The following DNAH7 variants were observed in gnomAD, a reference collection of about 807,000 sequenced individuals.
DNAH7 encodes axonemal beta dynein heavy chain 7.
DNAH7 carries 397 observed loss-of-function variants against 444.6 expected under a neutral mutation model. The ratio of observed to expected loss-of-function variants is 0.89; its 90% confidence interval spans 0.82 to 0.97. DNAH7 has a LOEUF of 0.97. Among genes scored for constraint, DNAH7 ranks in the 50% least tolerant of loss-of-function variants. The probability of loss-of-function intolerance (pLI) is 0.00; values close to 1 mark genes in which losing one functional copy is unlikely to be tolerated. For synonymous variants in DNAH7, 1,636 were observed against 1,624.4 expected, an observed-to-expected ratio of 1.01 and a Z score of -0.17; for missense variants, 4,902 against 4,800.8, an observed-to-expected ratio of 1.02 and a Z score of -0.62.
In DNAH7 at chr2:195,794,613, T is replaced by C. The variant is rs930987078; in HGVS notation, c.10516-75A>G. 4 of 1,393,758 alleles carry C rather than the reference T, an allele frequency of 2.9e-6. No homozygotes were observed. The African/African-American group carries it at 5.7e-5, about 20-fold the overall frequency. The allele number at this position is 1,393,758 out of a possible 1,614,324, so 86.3% of individuals were successfully genotyped here. On this transcript the variant is annotated intron_variant, in intron 56 of 64. Transcript: ENST00000312428. ...ATCTCAAAAGCATACATATGAAGGA[T>C]GAGTTGGAAGGGGGAGGAAGTATTT... is the stretch of plus-strand genomic sequence containing the variant.
chr2:195,737,769 A>C lies in DNAH7; in HGVS notation c.*152T>G. 1.5e-6 allele frequency: 1 copy of C among 652,084 alleles called. No individual in the cohort carries two copies. The highest frequency in any genetic ancestry group is 2.6e-6 in the Non-Finnish European group (1 of 387,234). 40.4% of individuals were successfully genotyped at this position (652,084 alleles called of 1,614,324 possible). ...TTACATTTAAGTATGAGTCATATTA[A>C]GTTTAGCTGCATTTGCTCATAAGTA... is the stretch of plus-strand genomic sequence containing the variant. On this transcript the variant is annotated 3_prime_UTR_variant, in exon 65 of 65. Coordinates refer to ENST00000312428, the MANE Select transcript of DNAH7 (RefSeq NM_018897.3).
chr2:195,800,630 T>C (rs893185621), intron 54 of DNAH7, among the ~76,000 whole-genome samples: 1 of 152,180 alleles, frequency 6.6e-6, no homozygotes, highest in Non-Finnish European at 1.5e-5. Flanking sequence ...TCTGATAAAG[T>C]CAAGCAGGAG....
chr2:195,829,216 T>C (rs1697943364), intron 48 of DNAH7, among the ~76,000 whole-genome samples: 1 of 152,172 alleles, frequency 6.6e-6, no homozygotes, highest in Non-Finnish European at 1.5e-5. Context: ...TTTAATATTC[T>C]TTTTGGAATA....
intron 58 of DNAH7, among the ~76,000 whole-genome samples, chr2:195,784,366 T>C (rs1695516572): frequency 6.6e-6 from 1 of 152,244 alleles, no homozygotes; most frequent in African/African-American, 2.4e-5. Context: ...GCAGGCTTTT[T>C]AGACTGTATT....
intron 24 of DNAH7, among the ~76,000 whole-genome samples, chr2:195,920,194 A>C (rs1257928169): frequency 1.3e-5 from 2 of 152,232 alleles, no homozygotes; most frequent in East Asian, 3.9e-4. Flanking sequence ...CATACTTCAC[A>C]GAACTAGAAA....
At chr2:195,828,600 A>G (rs1016922750) in intron 48 of DNAH7, among the ~76,000 whole-genome samples, 1 of 102,450 alleles carries the variant, frequency 9.8e-6, no homozygotes, top group Non-Finnish European at 1.9e-5. Context: ...TAACATATAT[A>G]TATATATATA....
At chr2:195,939,195 TTGTC>T (rs778222779) in intron 19 of DNAH7, among the ~76,000 whole-genome samples, 288 of 152,136 alleles carry the variant, frequency 1.9e-3, no homozygotes, top group Non-Finnish European at 3.4e-3. Flanking sequence ...CACCCCAAAA[TTGTC>T]TGTTAGAAAG....
At chr2:195,995,936 T>C (rs1028385498) in intron 12 of DNAH7, among the ~76,000 whole-genome samples, 1 of 152,216 alleles carries the variant, frequency 6.6e-6, no homozygotes, top group Non-Finnish European at 1.5e-5. Flanking sequence ...AAGAATGTCA[T>C]TGGTATTTTG....
In DNAH7 at chr2:196,048,090, C is replaced by A. The variant is rs1440387301; in HGVS notation, c.250+206G>T. Among the ~76,000 whole-genome samples the A allele has an allele frequency of 2.0e-5, 3 of 152,274 alleles. No homozygotes were observed. The South Asian group carries it at 6.2e-4, about 32-fold the overall frequency. On this transcript the variant is annotated intron_variant, in intron 4 of 64. Transcript: ENST00000312428. ...ATCAACAACCCAATTCCTAAAATAT[C>A]AGCTCTTATAGCATTTACAACAGCC...
chr2:195,917,241 G>A (rs1177444663), intron 24 of DNAH7, among the ~76,000 whole-genome samples: 2 of 151,814 alleles, frequency 1.3e-5, no homozygotes, highest in Non-Finnish European at 2.9e-5. Context: ...AGTTGGGCAA[G>A]TGGGCTCACA....
chr2:195,772,672 T>G (rs1031583623), intron 60 of DNAH7, among the ~76,000 whole-genome samples: 8 of 152,156 alleles, frequency 5.3e-5, no homozygotes, highest in Non-Finnish European at 1.2e-4. Context: ...AGATTTTGTT[T>G]CCTGGTTTCT....
intron 18 of DNAH7, among the ~76,000 whole-genome samples, chr2:195,958,180 CT>C (rs1690825846): frequency 6.6e-6 from 1 of 152,128 alleles, no homozygotes; most frequent in South Asian, 2.1e-4. Flanking sequence ...CTCTCCCCCT[CT>C]TCTGCTTCTG....
At chr2:196,022,508 T>G (rs1290216711) in intron 8 of DNAH7, among the ~76,000 whole-genome samples, 3 of 152,202 alleles carry the variant, frequency 2.0e-5, no homozygotes, top group Non-Finnish European at 4.4e-5. Context: ...GTAGAATCCA[T>G]CTTAAGAAAC....
At chr2:195,972,511 C>G in intron 15 of DNAH7, 45 bp from the exon 16 acceptor site, 3 of 1,434,632 alleles carry the variant, frequency 2.1e-6, no homozygotes, top group Non-Finnish European at 2.9e-6. Context: ...ACGAACAGCT[C>G]ATGTCACGAA....
intron 48 of DNAH7, among the ~76,000 whole-genome samples, chr2:195,829,750 A>C (rs1268486003): frequency 2.0e-5 from 3 of 152,004 alleles, no homozygotes; most frequent in Non-Finnish European, 4.4e-5. Flanking sequence ...ATCATTTTTG[A>C]AGCTAAAATA....
chr2:195,843,473 C>T (rs1474241498), intron 47 of DNAH7, among the ~76,000 whole-genome samples: 1 of 152,140 alleles, frequency 6.6e-6, no homozygotes, highest in Admixed American at 6.5e-5. Context: ...AAGTTGGTCT[C>T]TTTAACTACA....
At chr2:195,864,030 A>C in intron 41 of DNAH7, 119 bp downstream of exon 41, 2 of 901,570 alleles carry the variant, frequency 2.2e-6, no homozygotes, top group African/African-American at 3.4e-5. Flanking sequence ...AACTGATCAG[A>C]AGATTCTGCT....
intron 61 of DNAH7, 148 bp from the exon 62 acceptor site, chr2:195,756,433 G>T: frequency 3.0e-6 from 2 of 667,888 alleles, no homozygotes; most frequent in Non-Finnish European, 2.2e-6. Flanking sequence ...AAAAAGTGAA[G>T]ATATTTGTTT....
At chr2:196,029,538 G>A (rs1016162391) in intron 5 of DNAH7, among the ~76,000 whole-genome samples, 1 of 151,908 alleles carries the variant, frequency 6.6e-6, no homozygotes, top group Non-Finnish European at 1.5e-5. Context: ...AATAATGGCA[G>A]CTTTTTATTG....
Sources: gnomAD v4.1 joint callset for allele counts (sites outside exome capture counted in the v4.1 genomes callset) on GRCh38, gnomAD v4.1.1 for gene constraint, MANE v1.5 for transcripts, NCBI Gene and HGNC (gene_info 2026-07-23, HGNC 2026-07-21) for gene names.